PLCB1: variants seen among roughly 807,000 people sequenced by gnomAD.
PLCB1 encodes the protein phospholipase C beta 1, also known as 1-phosphatidylinositol 4,5-bisphosphate phosphodiesterase beta-1.
A neutral mutation model predicts 161.8 loss-of-function variants in PLCB1; 46 were observed. The ratio of observed to expected loss-of-function variants is 0.28; its 90% CI spans 0.22 to 0.36. The LOEUF (loss-of-function observed/expected upper bound fraction) is 0.36. Among genes scored for constraint, PLCB1 ranks in the 10% least tolerant of loss-of-function variants. PLCB1 has a pLI of 1.00. For synonymous variants in PLCB1, 517 were observed against 503.7 expected (o/e 1.03, Z -0.35); for missense variants, 1,016 against 1,472.5 (o/e 0.69, Z 5.07).
At chr20:8,209,421 A>G (rs1212222213) in intron 2 of PLCB1, among the ~76,000 whole-genome samples, 1 of 152,172 alleles carries the variant, frequency 6.6e-6, no homozygotes, top group African/African-American at 2.4e-5. Flanking sequence ...ATTGTCTTCA[A>G]ACAATTGGTA....
At chr20:8,382,536 G>A (rs1170169242) in intron 3 of PLCB1, among the ~76,000 whole-genome samples, 2 of 148,460 alleles carry the variant, frequency 1.3e-5, no homozygotes, top group Admixed American at 6.7e-5. Context: ...ACCCATCTTG[G>A]CCTCTCAAAG....
At chr20:8,419,439 A>C (rs11906095) in intron 3 of PLCB1, among the ~76,000 whole-genome samples, 4,231 of 152,262 alleles carry the variant, frequency 0.028, 190 homozygotes, top group African/African-American at 0.095. Flanking sequence ...TTAATTTTAC[A>C]GTGGCTGGAA....
At chr20:8,351,457 A>C (rs1268291354) in intron 2 of PLCB1, among the ~76,000 whole-genome samples, 1 of 152,106 alleles carries the variant, frequency 6.6e-6, no homozygotes, top group African/African-American at 2.4e-5. Context: ...CAACACCAAA[A>C]GCATAATCCA....
chr20:8,437,719 A>C (rs1980372364), intron 3 of PLCB1, among the ~76,000 whole-genome samples: 1 of 152,304 alleles, frequency 6.6e-6, no homozygotes, highest in South Asian at 2.1e-4. Flanking sequence ...TGGCAAAGAA[A>C]AATTCCCTAT....
intron 2 of PLCB1, among the ~76,000 whole-genome samples, chr20:8,281,342 A>AT (rs111411107): frequency 1.3e-5 from 2 of 151,676 alleles, no homozygotes; most frequent in Non-Finnish European, 2.9e-5. Context: ...TTTTTAATAC[A>AT]TTTTTTTCTG....
intron 2 of PLCB1, among the ~76,000 whole-genome samples, chr20:8,368,833 C>T (rs1986808862): frequency 6.6e-6 from 1 of 152,040 alleles, no homozygotes; most frequent in South Asian, 2.1e-4. Flanking sequence ...GAGTTTCTAC[C>T]CGCAATTTCC....
chr20:8,261,099 C>T (rs977256563), intron 2 of PLCB1, among the ~76,000 whole-genome samples: 12 of 152,150 alleles, frequency 7.9e-5, no homozygotes, highest in African/African-American at 2.2e-4. Flanking sequence ...GTTTGTCAAG[C>T]TCCTTCTACT....
chr20:8,611,801 C>T (rs1987913817), intron 3 of PLCB1, among the ~76,000 whole-genome samples: 2 of 152,176 alleles, frequency 1.3e-5, no homozygotes, highest in African/African-American at 4.8e-5. Flanking sequence ...GACGTATTAG[C>T]TGGGCATGGT....
intron 3 of PLCB1, among the ~76,000 whole-genome samples, chr20:8,620,236 A>T (rs542478443): frequency 1.3e-3 from 204 of 152,082 alleles, no homozygotes; most frequent in African/African-American, 4.8e-3. Flanking sequence ...CCAGCTATTA[A>T]TTTTTTTTCA....
chr20:8,372,876 C>G (rs1221669993), intron 3 of PLCB1, among the ~76,000 whole-genome samples: 1 of 152,154 alleles, frequency 6.6e-6, no homozygotes, highest in Non-Finnish European at 1.5e-5. Context: ...GTTTTAAAGA[C>G]AGTTGCCGAC....
In PLCB1 at chr20:8,689,268, A is replaced by T. The variant is rs148323617; in HGVS notation, c.1009+4190A>T. Among the ~76,000 whole-genome samples the T allele has an allele frequency of 5.6e-3, 855 of 152,272 alleles. 2 individuals carry two copies. The highest frequency in any genetic ancestry group is 9.5e-3 in the Non-Finnish European group (648 of 68,032). Reference sequence around the variant, plus strand: ...GAGGCGTCCTTAGGATTTTCAAGGTAAACAATCATATCGTCAGCAGTCAGG... The same window carrying T: ...GAGGCGTCCTTAGGATTTTCAAGGTTAACAATCATATCGTCAGCAGTCAGG... On this transcript the variant is annotated intron_variant, in intron 10 of 31. Transcript: ENST00000338037.
At chr20:8,674,686 C>G (rs1294971618) in intron 9 of PLCB1, among the ~76,000 whole-genome samples, 1 of 152,176 alleles carries the variant, frequency 6.6e-6, no homozygotes, top group Non-Finnish European at 1.5e-5. Context: ...CAGAGCTTCT[C>G]TCTTCAGGAC....
intron 3 of PLCB1, among the ~76,000 whole-genome samples, chr20:8,463,187 G>T (rs568482316): frequency 6.6e-6 from 1 of 150,654 alleles, no homozygotes; most frequent in Non-Finnish European, 1.5e-5. Context: ...GTGTGTCTGT[G>T]TATGTGTGTG....
chr20:8,861,496 C>T (rs1194038533), intron 31 of PLCB1, among the ~76,000 whole-genome samples: 1 of 152,096 alleles, frequency 6.6e-6, no homozygotes, highest in African/African-American at 2.4e-5. Context: ...CTTTGGAAGG[C>T]CAAGGCAGGT....
chr20:8,560,372 T>A (rs372632428), intron 3 of PLCB1, among the ~76,000 whole-genome samples: 9 of 152,112 alleles, frequency 5.9e-5, no homozygotes, highest in African/African-American at 1.9e-4. Context: ...GGATTTTTTT[T>A]AAGCTTCTCA....
chr20:8,362,798 G>GA (rs887137200), intron 2 of PLCB1, among the ~76,000 whole-genome samples: 1 of 151,998 alleles, frequency 6.6e-6, no homozygotes. Flanking sequence ...TCATATACGT[G>GA]AAAAAAGACT....
intron 3 of PLCB1, among the ~76,000 whole-genome samples, chr20:8,567,937 G>T (rs746923049): frequency 1.5e-4 from 23 of 152,122 alleles, no homozygotes; most frequent in Admixed American, 3.3e-4. Flanking sequence ...TATCAGTTAA[G>T]TTTTCAGATC....
At chr20:8,188,308 C>T (rs2051928497) in intron 2 of PLCB1, among the ~76,000 whole-genome samples, 1 of 152,074 alleles carries the variant, frequency 6.6e-6, no homozygotes, top group Admixed American at 6.6e-5. Context: ...CATGGCCAAG[C>T]CCAACATCAA....
intron 3 of PLCB1, among the ~76,000 whole-genome samples, chr20:8,438,286 A>G (rs1439900641): frequency 6.6e-6 from 1 of 152,222 alleles, no homozygotes; most frequent in Non-Finnish European, 1.5e-5. Context: ...CATATTATAT[A>G]CATACCTAAA....
Sources: gnomAD v4.1 joint callset for allele counts (sites outside exome capture counted in the v4.1 genomes callset) on GRCh38, gnomAD v4.1.1 for gene constraint, MANE v1.5 for transcripts, NCBI Gene and HGNC (gene_info 2026-07-23, HGNC 2026-07-21) for gene names.